The following PERM1 variants were observed in gnomAD, a reference collection of about 807,000 sequenced individuals.
PERM1 encodes PPARGC1 and ESRR induced regulator, muscle 1, also known as PGC-1 and ERR-induced regulator in muscle protein 1.
Under a neutral mutation model 44.1 loss-of-function variants are expected in PERM1, and 45 were observed. The observed-to-expected ratio is 1.02, with a 90% CI of 0.80 to 1.31. PERM1 has a LOEUF of 1.31. Ranked by LOEUF, PERM1 falls within the 50% of genes most tolerant of loss-of-function variation. The pLI is 0.00. For synonymous variants in PERM1, 565 were observed against 477.1 expected (o/e 1.18, Z -2.40); for missense variants, 1,189 against 1,106.9 (o/e 1.07, Z -1.05).
At position 978,989 on chromosome 1, in the gene PERM1, G is replaced by GGAGC. The variant is rs1300574390; in HGVS notation, c.2037_2040dup (p.Pro681AlafsTer35). ...CGGGGAGGCTCCAGGGCCTGCAGTG[G>GGAGC]GAGCGGGACAGCCGGCCCCAGCACG... On this transcript the variant is annotated frameshift_variant, in exon 1 of 3. Coordinates refer to ENST00000433179, the Ensembl canonical transcript of PERM1. LOFTEE classifies it high-confidence loss of function. 12 of 1,523,228 alleles carry GGAGC rather than the reference G, an allele frequency of 7.9e-6. No homozygotes were observed. 94.4% of individuals were successfully genotyped at this position (1,523,228 alleles called of 1,614,324 possible). A position where few individuals can be genotyped will look rare whatever the true frequency, so the allele number is the denominator to read the frequency against.
At chr1:976,350 C>A in intron 2 of PERM1, 81 bp from the exon 4 acceptor site, 1 of 1,470,978 alleles carries the variant, frequency 6.8e-7, no homozygotes, top group Non-Finnish European at 9.0e-7. Context: ...CCTCAAAGGG[C>A]GGGCAAGGTC....
chr1:978,849 C>T, intron 1 of PERM1, 32 bp downstream of exon 2: 4 of 1,444,816 alleles, frequency 2.8e-6, no homozygotes, highest in South Asian at 1.5e-5. Flanking sequence ...TGCCTGGGAT[C>T]TGGACGGGCT....
chr1:976,200 C>A (rs1427199101), exon 3 of PERM1: 24 of 1,543,974 alleles, frequency 1.6e-5, no homozygotes, highest in Admixed American at 1.0e-4. Flanking sequence ...GCTGTGGCTG[C>A]GGCGCCCTTG....
exon 1 of PERM1, chr1:979,799 C>G: frequency 2.6e-6 from 4 of 1,550,380 alleles, no homozygotes; most frequent in Non-Finnish European, 3.5e-6. Flanking sequence ...AAGGCCACAT[C>G]CAGGCCATGT....
chr1:980,895 TTGGTCAA>T lies in PERM1; in HGVS notation c.128_134del (p.Ile43LysfsTer20). The T allele has an allele frequency of 7.1e-7, 1 of 1,409,830 alleles. No homozygotes were observed. The allele number at this position is 1,409,830 out of a possible 1,614,324, so 87.3% of individuals were successfully genotyped here. On this transcript the variant is annotated frameshift_variant, in exon 1 of 3. Coordinates refer to ENST00000433179, the Ensembl canonical transcript of PERM1. LOFTEE classifies it high-confidence loss of function. ...GGGGACTGCTGCCACTGCTGTCCCC[TTGGTCAA>T]TGTCACTGGACAAGAGCTCGTCCCC...
At position 976,522 on chromosome 1, in the gene PERM1, T is replaced by G. The variant is rs1294619695; in HGVS notation, c.2252A>C (p.His751Pro). Residue 751 changes from histidine to proline, a missense_variant, in exon 2 of 3, where the codon CAT becomes CCT. Around this residue, in one of 3 missense-constraint regions of PERM1, gnomAD observed 900 missense variants for 760.4 expected, o/e 1.18. Transcript: ENST00000433179. ...ACCTGTTTTCCAGGCGTCTGGGGTA[T>G]GCGGATCTGACGTCCTCACAGCCCA... The G allele has an allele frequency of 5.2e-6, 8 of 1,549,548 alleles. No homozygotes were observed. The South Asian group carries it at 8.3e-5, about 16-fold the overall frequency.
At chr1:976,517 G>A (rs896119505) in exon 2 of PERM1, 1 of 1,549,540 alleles carries the variant, frequency 6.5e-7, no homozygotes, top group Non-Finnish European at 8.7e-7. Flanking sequence ...CAGGCGTCTG[G>A]GGTATGCGGA....
At chr1:979,017 C>G (rs1488594403) in exon 1 of PERM1, 1 of 1,536,156 alleles carries the variant, frequency 6.5e-7, no homozygotes, top group Non-Finnish European at 8.8e-7. Flanking sequence ...CCAGCACGCC[C>G]TCAAGCCTGT....
At chr1:976,728 C>G in intron 1 of PERM1, 104 bp from the exon 3 acceptor site, 1 of 1,204,332 alleles carries the variant, frequency 8.3e-7, no homozygotes, top group Non-Finnish European at 1.1e-6. Context: ...ACCCCGGGAA[C>G]CGCCTCCCAC....
At chr1:976,163 G>T in exon 3 of PERM1, 1 of 1,546,004 alleles carries the variant, frequency 6.5e-7, no homozygotes, top group Non-Finnish European at 8.7e-7. Flanking sequence ...CCTGGCCCGG[G>T]CCTGGCTCCT....
exon 1 of PERM1, chr1:980,331 T>C: frequency 1.3e-6 from 2 of 1,550,262 alleles, no homozygotes; most frequent in South Asian, 1.2e-5. Flanking sequence ...CAGGAGCTCC[T>C]GCAGGACCTG....
chr1:979,835 C>T (rs1013498140), exon 1 of PERM1: 209 of 1,549,142 alleles, frequency 1.3e-4, no homozygotes, highest in Non-Finnish European at 1.7e-4. Context: ...GACACAGCCA[C>T]GTCCGTGTCC....
chr1:981,100 G>A (rs987679282), upstream of PERM1: 4 of 1,548,600 alleles, frequency 2.6e-6, no homozygotes, highest in Non-Finnish European at 2.6e-6. Flanking sequence ...CAGGCCCCGG[G>A]CACCACCCTG....
At chr1:978,952 T>C in exon 1 of PERM1, 6 of 1,509,126 alleles carry the variant, frequency 4.0e-6, no homozygotes, top group Non-Finnish European at 5.3e-6. Context: ...CCCCGCCCCC[T>C]CGGAGGCCGA....
At chr1:976,517 G>C (rs896119505) in exon 2 of PERM1, 3 of 1,549,422 alleles carry the variant, frequency 1.9e-6, no homozygotes, top group African/African-American at 2.7e-5. Context: ...CAGGCGTCTG[G>C]GGTATGCGGA....
chr1:979,023 C>T, exon 1 of PERM1: 2 of 1,538,016 alleles, frequency 1.3e-6, no homozygotes, highest in African/African-American at 1.4e-5. Context: ...CGCCCTCAAG[C>T]CTGTCCTCCC....
At chr1:980,902 A>G (rs1030912997) in exon 1 of PERM1, 7 of 1,410,446 alleles carry the variant, frequency 5.0e-6, no homozygotes, top group Non-Finnish European at 6.4e-6. Flanking sequence ...CCCTTGGTCA[A>G]TGTCACTGGA....
chr1:980,858 G>A, exon 1 of PERM1: 3 of 1,403,070 alleles, frequency 2.1e-6, no homozygotes, highest in Non-Finnish European at 2.8e-6. Flanking sequence ...GTTGGGAGAG[G>A]TGGGGCCCTG....
chr1:979,181 C>G, exon 1 of PERM1: 4 of 1,550,096 alleles, frequency 2.6e-6, no homozygotes, highest in Non-Finnish European at 3.5e-6. Flanking sequence ...AAGAAGAACT[C>G]GCACATGTCC....
Sources: gnomAD v4.1 joint callset for allele counts on GRCh38, gnomAD v4.1.1 for gene constraint, gnomAD v4.1.1 regional missense constraint, MANE v1.5 for transcripts, NCBI Gene and HGNC (gene_info 2026-07-23, HGNC 2026-07-21) for gene names.